Variants in SLC15A5 observed in about 807,000 individuals in gnomAD.
SLC15A5 encodes Peptide/histidine transporter ENSP00000340402.
A neutral mutation model predicts 56.1 loss-of-function variants in SLC15A5; 58 were observed. The observed-to-expected ratio is 1.03, with a 90% CI of 0.84 to 1.29. SLC15A5 has a LOEUF of 1.29. SLC15A5 is among the 50% of genes most tolerant of loss of function. SLC15A5 has a pLI of 0.00. For synonymous variants in SLC15A5, 264 were observed against 250.5 expected (o/e 1.05, Z -0.51); for missense variants, 681 against 672.1 (o/e 1.01, Z -0.15).
intron 5 of SLC15A5, among the ~76,000 whole-genome samples, chr12:16,238,745 A>G (rs1864378488): frequency 6.6e-6 from 1 of 152,146 alleles, no homozygotes; most frequent in African/African-American, 2.4e-5. Flanking sequence ...ACATTAGGTT[A>G]CCATTGCATG....
chr12:16,270,554 A>G (rs1475341323), intron 2 of SLC15A5, among the ~76,000 whole-genome samples: 1 of 152,170 alleles, frequency 6.6e-6, no homozygotes, highest in Non-Finnish European at 1.5e-5. Context: ...TGATTTAGCA[A>G]TAATCATAAC....
intron 4 of SLC15A5, 68 bp from the exon 5 acceptor site, chr12:16,239,935 C>A: frequency 7.3e-7 from 1 of 1,376,322 alleles, no homozygotes; most frequent in South Asian, 1.4e-5. Context: ...CATCGTCCAC[C>A]AGAGGCCTAC....
chr12:16,239,527 C>T (rs896716296), intron 5 of SLC15A5, among the ~76,000 whole-genome samples, 154 bp downstream of exon 5: 7 of 152,124 alleles, frequency 4.6e-5, no homozygotes, highest in South Asian at 2.1e-4. Flanking sequence ...CTAGAGATTT[C>T]GGAAGATGGG....
intron 8 of SLC15A5, among the ~76,000 whole-genome samples, chr12:16,190,454 A>G (rs1204495103): frequency 6.6e-6 from 1 of 152,164 alleles, no homozygotes; most frequent in African/African-American, 2.4e-5. Flanking sequence ...CTTTTCCTCC[A>G]TGGCATACTG....
chr12:16,262,773 G>C (rs145369236), intron 2 of SLC15A5, among the ~76,000 whole-genome samples: 1 of 152,262 alleles, frequency 6.6e-6, no homozygotes, highest in Admixed American at 6.5e-5. Context: ...TGATGCTCTC[G>C]TGATAGCGAA....
intron 7 of SLC15A5, among the ~76,000 whole-genome samples, chr12:16,209,651 T>C (rs181667171): frequency 8.5e-5 from 13 of 152,294 alleles, no homozygotes; most frequent in African/African-American, 2.9e-4. Flanking sequence ...CAGTAGCTCA[T>C]GGCAGAAACT....
chr12:16,252,060 C>G (rs1164750592), intron 3 of SLC15A5, among the ~76,000 whole-genome samples: 1 of 151,944 alleles, frequency 6.6e-6, no homozygotes, highest in Non-Finnish European at 1.5e-5. Flanking sequence ...AGGACAAAAA[C>G]CACATGATCA....
chr12:16,202,464 A>G (rs1379661187), intron 7 of SLC15A5, among the ~76,000 whole-genome samples: 1 of 152,186 alleles, frequency 6.6e-6, no homozygotes, highest in Admixed American at 6.6e-5. Context: ...GAGGATGTGG[A>G]GAAAATGAAA....
At chr12:16,264,206 C>G (rs1864670709) in intron 2 of SLC15A5, among the ~76,000 whole-genome samples, 1 of 152,218 alleles carries the variant, frequency 6.6e-6, no homozygotes, top group Admixed American at 6.5e-5. Context: ...GCCATGGGAA[C>G]CCACCTCTTG....
At position 16,217,024 on chromosome 12, in the gene SLC15A5, A is replaced by C; in HGVS notation, c.1352T>G (p.Leu451Arg). 1 of 1,530,624 alleles carries C rather than the reference A, an allele frequency of 6.5e-7. No homozygotes were observed. The highest frequency in any genetic ancestry group is 8.7e-7 in the Non-Finnish European group (1 of 1,144,836). The allele number at this position is 1,530,624 out of a possible 1,614,324, so 94.8% of individuals were successfully genotyped here. A position where few individuals can be genotyped will look rare whatever the true frequency, so the allele number is the denominator to read the frequency against. Reference protein sequence around the residue: ...GVAETLVNPALSVISYRFVPS... With the variant: ...GVAETLVNPARSVISYRFVPS... ...AACAAATCTGTATGATATTACAGAG[A>C]CTGAGAGAAAAAGAGAGGTCAGAAT... The change falls in exon 7 of 9, where the codon CTC (leucine) becomes CGC (arginine). Residue 451 changes from leucine to arginine, a missense_variant and splice_region_variant. Physicochemically the swap from Leu to Arg is moderately radical, Grantham distance 102. Coordinates refer to ENST00000344941, the MANE Select transcript of SLC15A5 (RefSeq NM_001170798.1).
intron 3 of SLC15A5, among the ~76,000 whole-genome samples, chr12:16,250,927 A>G (rs530714649): frequency 1.3e-5 from 2 of 151,940 alleles, no homozygotes; most frequent in Non-Finnish European, 2.9e-5. Flanking sequence ...CACATGGAAA[A>G]CCCTGTGCAT....
chr12:16,205,219 G>C (rs1000616547), intron 7 of SLC15A5, among the ~76,000 whole-genome samples: 12 of 151,942 alleles, frequency 7.9e-5, no homozygotes. Context: ...GCAATGGAAT[G>C]TAATTTTTTC....
At position 16,189,340 on chromosome 12, in the gene SLC15A5, A is replaced by G. The variant is rs912672719; in HGVS notation, c.*328T>C. ...CTAATGACTCATTAAAACTCCAAAA[A>G]AAAGGTCATACGCTTTCAATGGCTG... On this transcript the variant is annotated 3_prime_UTR_variant, in exon 9 of 9. Coordinates refer to ENST00000344941, the MANE Select transcript of SLC15A5 (RefSeq NM_001170798.1). 1 of 168,770 alleles carries G rather than the reference A, an allele frequency of 5.9e-6. No individual in the cohort carries two copies. The highest frequency in any genetic ancestry group is 2.4e-5 in the African/African-American group (1 of 42,210). The allele number at this position is 168,770 out of a possible 1,614,324, so 10.5% of individuals were successfully genotyped here. A position where few individuals can be genotyped will look rare whatever the true frequency, so the allele number is the denominator to read the frequency against.
chr12:16,195,576 C>A (rs1426617521), intron 7 of SLC15A5, among the ~76,000 whole-genome samples: 1 of 151,972 alleles, frequency 6.6e-6, no homozygotes, highest in Non-Finnish European at 1.5e-5. Context: ...TTCATCATTT[C>A]CTTGCCTTTT....
chr12:16,211,777 C>T (rs1454217105), intron 7 of SLC15A5, among the ~76,000 whole-genome samples: 2 of 152,150 alleles, frequency 1.3e-5, no homozygotes, highest in African/African-American at 2.4e-5. Context: ...GTATCTTCTC[C>T]TTTAAAGCAC....
Position 16,268,000 on chromosome 12 carries a change from C to T in SLC15A5, c.584+4561G>A, listed in dbSNP as rs1864713483. 4.4e-5 allele frequency among the ~76,000 whole-genome samples: 5 copies of T among 114,056 alleles called. 2 individuals carry two copies. In the South Asian group the frequency reaches 2.0e-3, roughly 47 times the overall value. The allele number at this position is 114,056 out of a possible 152,430, so 74.8% of individuals were successfully genotyped here. A position where few individuals can be genotyped will look rare whatever the true frequency, so the allele number is the denominator to read the frequency against. ...ATCCTCCTGCCTAGGCCTCCCAGAG[C>T]CCAGGGATTCAGGTGTGAGTCACTG... On this transcript the variant is annotated intron_variant, in intron 2 of 8. Transcript: ENST00000344941.
At chr12:16,202,353 C>T (rs1863966502) in intron 7 of SLC15A5, among the ~76,000 whole-genome samples, 1 of 152,020 alleles carries the variant, frequency 6.6e-6, no homozygotes, top group Admixed American at 6.6e-5. Flanking sequence ...AAAAACTTTT[C>T]AATATCAATG....
intron 2 of SLC15A5, among the ~76,000 whole-genome samples, chr12:16,268,157 G>T (rs1414094145): frequency 8.7e-6 from 1 of 115,590 alleles, no homozygotes; most frequent in Non-Finnish European, 1.8e-5. Flanking sequence ...TGGGCAGATT[G>T]CCTGAGCTCA....
At chr12:16,206,533 T>G (rs1864021589) in intron 7 of SLC15A5, among the ~76,000 whole-genome samples, 1 of 152,172 alleles carries the variant, frequency 6.6e-6, no homozygotes, top group African/African-American at 2.4e-5. Context: ...TTTTCATATT[T>G]ATCTAATAAG....
Sources: gnomAD v4.1 joint callset for allele counts (sites outside exome capture counted in the v4.1 genomes callset) on GRCh38, gnomAD v4.1.1 for gene constraint, MANE v1.5 for transcripts, NCBI Gene and HGNC (gene_info 2026-07-23, HGNC 2026-07-21) for gene names.